Variants in ADGRL2 observed in about 807,000 individuals in gnomAD.
ADGRL2 encodes adhesion G protein-coupled receptor L2, also known as calcium-independent alpha-latrotoxin receptor 2.
In ADGRL2, 44 loss-of-function variants were observed where a neutral mutation model predicts 157.4. The ratio of observed to expected loss-of-function variants is 0.28; its 90% CI spans 0.22 to 0.36. The LOEUF (loss-of-function observed/expected upper bound fraction) is 0.36, where lower values mean the gene tolerates loss of function less well. Among genes scored for constraint, ADGRL2 ranks in the 10% least tolerant of loss-of-function variants. ADGRL2 has a pLI of 1.00. For synonymous variants in ADGRL2, 585 were observed against 624.7 expected, an observed-to-expected ratio of 0.94 and a Z score of 0.95; for missense variants, 1,510 against 1,768.9, an observed-to-expected ratio of 0.85 and a Z score of 2.63.
intron 1 of ADGRL2, among the ~76,000 whole-genome samples, chr1:81,741,785 C>T (rs1405502639): frequency 6.6e-6 from 1 of 151,840 alleles, no homozygotes; most frequent in Non-Finnish European, 1.5e-5. Flanking sequence ...TCAAAATTCA[C>T]TTGACTTTGA....
chr1:81,590,398 C>T (rs995343215), intron 3 of ADGRL2, among the ~76,000 whole-genome samples: 7 of 152,168 alleles, frequency 4.6e-5, no homozygotes, highest in Middle Eastern at 3.4e-3. Flanking sequence ...GTTCCCACGC[C>T]CACCCACACA....
intron 1 of ADGRL2, among the ~76,000 whole-genome samples, chr1:81,361,256 A>G (rs943610874): frequency 6.6e-6 from 1 of 151,830 alleles, no homozygotes; most frequent in Admixed American, 6.6e-5. Flanking sequence ...CATTTTGGAG[A>G]CTGCTGAGTG....
At chr1:81,553,872 A>G (rs1307886933) in intron 2 of ADGRL2, among the ~76,000 whole-genome samples, 2 of 152,236 alleles carry the variant, frequency 1.3e-5, no homozygotes, top group Non-Finnish European at 2.9e-5. Context: ...AGTGGGATAT[A>G]TACCTGCAGA....
chr1:81,483,358 A>T (rs147879435), intron 2 of ADGRL2, among the ~76,000 whole-genome samples: 2 of 152,220 alleles, frequency 1.3e-5, no homozygotes, highest in Non-Finnish European at 2.9e-5. Context: ...AGCAATCAAG[A>T]TGAATGCTCA....
At chr1:81,944,708 A>G (rs990669674) in intron 6 of ADGRL2, among the ~76,000 whole-genome samples, 1 of 152,036 alleles carries the variant, frequency 6.6e-6, no homozygotes, top group African/African-American at 2.4e-5. Context: ...TTTAGGAACT[A>G]GAAAGTTCTT....
chr1:81,622,476 G>A (rs1250899113), intron 3 of ADGRL2, among the ~76,000 whole-genome samples: 3 of 152,182 alleles, frequency 2.0e-5, no homozygotes, highest in Non-Finnish European at 4.4e-5. Context: ...AGCTACTCAG[G>A]AGCCTGAGGC....
chr1:81,384,906 C>A (rs1200842349), intron 1 of ADGRL2, among the ~76,000 whole-genome samples: 1 of 152,132 alleles, frequency 6.6e-6, no homozygotes, highest in Non-Finnish European at 1.5e-5. Context: ...AGACAAATTA[C>A]CTTCTCTATT....
chr1:81,352,226 G>T (rs936581521), intron 1 of ADGRL2, among the ~76,000 whole-genome samples: 2 of 152,214 alleles, frequency 1.3e-5, no homozygotes, highest in African/African-American at 2.4e-5. Context: ...AACAGAATTT[G>T]TATCATCCCA....
At chr1:81,901,033 C>T (rs778337112) in intron 2 of ADGRL2, among the ~76,000 whole-genome samples, 2 of 152,118 alleles carry the variant, frequency 1.3e-5, no homozygotes, top group Non-Finnish European at 2.9e-5. Context: ...AAAGAAACCA[C>T]GACAGCAGCA....
chr1:81,441,872 C>T (rs1177650049), intron 1 of ADGRL2, among the ~76,000 whole-genome samples: 1 of 152,142 alleles, frequency 6.6e-6, no homozygotes, highest in Non-Finnish European at 1.5e-5. Flanking sequence ...CAGGGTCTCA[C>T]TGTGCTGCCC....
At chr1:81,521,519 A>G (rs140399209) in intron 2 of ADGRL2, among the ~76,000 whole-genome samples, 12 of 152,314 alleles carry the variant, frequency 7.9e-5, no homozygotes, top group African/African-American at 2.9e-4. Flanking sequence ...TGTAATAAAA[A>G]TATCTTATAC....
At chr1:81,957,770 T>A (rs2149166634) in intron 11 of ADGRL2, among the ~76,000 whole-genome samples, 1 of 152,256 alleles carries the variant, frequency 6.6e-6, no homozygotes, top group South Asian at 2.1e-4. Flanking sequence ...TTGATCTTTT[T>A]TCATTTTTAA....
intron 1 of ADGRL2, among the ~76,000 whole-genome samples, chr1:81,826,017 A>C (rs1178295909): frequency 6.6e-6 from 1 of 152,166 alleles, no homozygotes; most frequent in Non-Finnish European, 1.5e-5. Flanking sequence ...AGAACAGTGA[A>C]TGTGTACCTC....
chr1:81,606,358 C>A (rs2081431441), intron 3 of ADGRL2, among the ~76,000 whole-genome samples: 1 of 152,130 alleles, frequency 6.6e-6, no homozygotes, highest in African/African-American at 2.4e-5. Context: ...TGGTCATTAG[C>A]AAATTGCTTC....
At chr1:81,502,219 C>T (rs1177619872) in intron 2 of ADGRL2, 26 of 1,604,956 alleles carry the variant, frequency 1.6e-5, no homozygotes. Flanking sequence ...CACCAGGGCT[C>T]CCACCACATG....
At chr1:81,614,517 AG>A (rs1226267565) in intron 3 of ADGRL2, among the ~76,000 whole-genome samples, 1 of 152,160 alleles carries the variant, frequency 6.6e-6, no homozygotes, top group Admixed American at 6.5e-5. Context: ...AGTGGTCCAA[AG>A]ATTTTTTTTC....
At position 81,704,778 on chromosome 1, in the gene ADGRL2, G is replaced by A. The variant is rs78435897; in HGVS notation, c.-143+4970G>A. 9.9e-3 allele frequency among the ~76,000 whole-genome samples: 1,512 copies of A among 152,306 alleles called. 30 individuals are homozygous for A. Among genetic ancestry groups the A allele is most frequent in the African/African-American group, 0.035 (1,442 of 41,554 alleles). On this transcript the variant is annotated intron_variant, in intron 1 of 20. Coordinates refer to the ADGRL2 transcript ENST00000359929. ...AAGATATCTTGAGGAGCTACTTTATGTCAGGCACTGGAGTGTATGTAGGGG... is the reference window on the plus strand; with the variant it reads ...AAGATATCTTGAGGAGCTACTTTATATCAGGCACTGGAGTGTATGTAGGGG...
intron 1 of ADGRL2, among the ~76,000 whole-genome samples, chr1:81,415,075 C>T (rs1027211622): frequency 6.6e-6 from 1 of 152,216 alleles, no homozygotes; most frequent in Admixed American, 6.5e-5. Flanking sequence ...ACATTAAAAG[C>T]TTGTCAACCA....
At chr1:81,512,399 G>A (rs2079096295) in intron 2 of ADGRL2, among the ~76,000 whole-genome samples, 1 of 152,178 alleles carries the variant, frequency 6.6e-6, no homozygotes, top group Non-Finnish European at 1.5e-5. Flanking sequence ...TCCCATATGG[G>A]ACTAAATTAT....
Sources: gnomAD v4.1 joint callset for allele counts (sites outside exome capture counted in the v4.1 genomes callset) on GRCh38, gnomAD v4.1.1 for gene constraint, MANE v1.5 for transcripts, NCBI Gene and HGNC (gene_info 2026-07-23, HGNC 2026-07-21) for gene names.